The following SCAF8 variants were observed in gnomAD, a reference collection of about 807,000 sequenced individuals.
The protein encoded by SCAF8 is SR-related CTD associated factor 8.
Under a neutral mutation model 140.5 loss-of-function variants are expected in SCAF8, and 23 were observed. The observed-to-expected ratio is 0.16, with a 90% CI of 0.12 to 0.23. The LOEUF is 0.23. Ranked by LOEUF, SCAF8 falls within the 10% of genes least tolerant of loss-of-function variation. The pLI, the probability that SCAF8 is intolerant of heterozygous loss-of-function variation, is 1.00. For missense variants in SCAF8, 1,397 were observed against 1,555.7 expected (o/e 0.90, Z 1.72); for synonymous variants, 575 against 528.9 (o/e 1.09, Z -1.20).
intron 8 of SCAF8, among the ~76,000 whole-genome samples, chr6:154,805,143 A>G (rs561543607): frequency 6.6e-6 from 1 of 152,194 alleles, no homozygotes; most frequent in African/African-American, 2.4e-5. Flanking sequence ...TCAGCAGAGC[A>G]TCTCTGACAC....
At chr6:154,786,749 T>A (rs973812776) in intron 3 of SCAF8, among the ~76,000 whole-genome samples, 3 of 152,248 alleles carry the variant, frequency 2.0e-5, no homozygotes, top group African/African-American at 7.2e-5. Flanking sequence ...ATTCTTGTTT[T>A]GAGTCTAATG....
At chr6:154,796,523 G>A (rs1362224437) in intron 6 of SCAF8, among the ~76,000 whole-genome samples, 2 of 152,082 alleles carry the variant, frequency 1.3e-5, no homozygotes, top group Non-Finnish European at 2.9e-5. Flanking sequence ...CCTCTACTGA[G>A]ATGGGTTCCT....
At chr6:154,794,873 A>G (rs1777553032) in intron 5 of SCAF8, 136 bp from the exon 6 acceptor site, 1 of 662,066 alleles carries the variant, frequency 1.5e-6, no homozygotes, top group East Asian at 3.7e-5. Flanking sequence ...TGATTTTTTC[A>G]AAGTGGACAC....
chr6:154,833,151 C>A lies in SCAF8; in HGVS notation c.3572C>A (p.Pro1191His). The change falls in exon 20 of 20, where the codon CCT becomes CAT. Residue 1191 changes from proline to histidine, a missense_variant. Pro to His is a moderately conservative substitution (Grantham distance 77). Coordinates refer to ENST00000367178, the MANE Select transcript of SCAF8 (RefSeq NM_014892.5). ...DRIQNTWVPP[P>H]HARVFDYFEG... is the part of the protein sequence containing the mutation. ...ATTCAAAACACTTGGGTTCCCCCTC[C>A]TCATGCTCGGGTTTTTGATTATTTT... The A allele has an allele frequency of 1.2e-6, 2 of 1,614,072 alleles. No individual in the cohort carries two copies. Among genetic ancestry groups the A allele is most frequent in the Non-Finnish European group, 1.7e-6 (2 of 1,179,996 alleles).
intron 1 of SCAF8, among the ~76,000 whole-genome samples, chr6:154,765,047 G>GTT (rs1351791118): frequency 6.6e-6 from 1 of 152,152 alleles, no homozygotes; most frequent in East Asian, 1.9e-4. Context: ...TCTTGTAGAT[G>GTT]TAAGTACATT....
intron 1 of SCAF8, among the ~76,000 whole-genome samples, chr6:154,771,218 A>G (rs1330528313): frequency 6.6e-6 from 1 of 152,256 alleles, no homozygotes; most frequent in Non-Finnish European, 1.5e-5. Context: ...ATTATAAATG[A>G]TAGCACAAAG....
intron 9 of SCAF8, 83 bp downstream of exon 9, chr6:154,805,569 T>G: frequency 1.6e-6 from 1 of 618,238 alleles, no homozygotes; most frequent in Non-Finnish European, 2.8e-6. Context: ...GGCTTTTTTT[T>G]TTTTTAATTG....
intron 19 of SCAF8, 148 bp downstream of exon 19, chr6:154,831,288 ATTTCTATTTG>A: frequency 1.7e-6 from 1 of 573,532 alleles, no homozygotes; most frequent in Non-Finnish European, 3.0e-6. Context: ...ATGTCCTAAA[ATTTCTATTTG>A]AAAAAGTGGC....
intron 1 of SCAF8, among the ~76,000 whole-genome samples, chr6:154,736,265 CTTT>C (rs71021071): frequency 1.8e-4 from 14 of 78,436 alleles, no homozygotes; most frequent in Non-Finnish European, 2.7e-4. Context: ...CCATCCAAGA[CTTT>C]TTTTTTTTTT....
intron 3 of SCAF8, among the ~76,000 whole-genome samples, chr6:154,784,144 TATATATA>T (rs1562444173): frequency 2.1e-4 from 19 of 92,516 alleles, no homozygotes; most frequent in South Asian, 9.1e-4. Context: ...TATATATATA[TATATATA>T]TATATATTTA....
intron 3 of SCAF8, among the ~76,000 whole-genome samples, chr6:154,786,816 TC>T (rs1777271652): frequency 3.3e-5 from 5 of 152,240 alleles, no homozygotes; most frequent in Admixed American, 1.3e-4. Context: ...GATTCTTCTC[TC>T]AGGTTTCTAG....
chr6:154,828,291 G>C (rs2114691789), intron 18 of SCAF8, among the ~76,000 whole-genome samples: 1 of 152,246 alleles, frequency 6.6e-6, no homozygotes, highest in East Asian at 1.9e-4. Flanking sequence ...TAGTTACCTT[G>C]AAGTGTGGTT....
chr6:154,753,338 A>G (rs1469810470), intron 1 of SCAF8, among the ~76,000 whole-genome samples: 1 of 152,162 alleles, frequency 6.6e-6, no homozygotes, highest in African/African-American at 2.4e-5. Context: ...GTGGTGGCGC[A>G]CACCTGTAAT....
chr6:154,752,523 C>T lies in SCAF8; in HGVS notation c.30+18593C>T, dbSNP rs75427965. Among the ~76,000 whole-genome samples the T allele has an allele frequency of 7.0e-3, 1,066 of 151,900 alleles. 15 individuals carry two copies. Among genetic ancestry groups the T allele is most frequent in the African/African-American group, 0.025 (1,018 of 41,422 alleles). On this transcript the variant is annotated intron_variant, in intron 1 of 19. Transcript: ENST00000367178. ...TTTTTTATTTAAGAGGCTGCAACTG[C>T]GGAACATGTAGTGTCATTGTGGATA...
intron 14 of SCAF8, 96 bp from the exon 15 acceptor site, chr6:154,820,081 G>A (rs1197910227): frequency 5.4e-6 from 5 of 927,098 alleles, no homozygotes; most frequent in Non-Finnish European, 7.6e-6. Context: ...CAATTTTAAT[G>A]TGTTTACATT....
chr6:154,737,024 TTC>T (rs1343841601), intron 1 of SCAF8, among the ~76,000 whole-genome samples: 4 of 152,236 alleles, frequency 2.6e-5, no homozygotes, highest in Non-Finnish European at 4.4e-5. Flanking sequence ...TGAATGCAGT[TTC>T]TGTGAATGTT....
chr6:154,805,556 G>A, intron 9 of SCAF8, 70 bp downstream of exon 9: 1 of 772,064 alleles, frequency 1.3e-6, no homozygotes. Flanking sequence ...ATTTTTGTGG[G>A]TTGGCTTTTT....
intron 9 of SCAF8, among the ~76,000 whole-genome samples, chr6:154,806,614 A>G (rs1440687273): frequency 3.9e-5 from 6 of 152,182 alleles, no homozygotes; most frequent in Non-Finnish European, 7.4e-5. Context: ...GGAGGGGGGA[A>G]CAGTTATTTT....
chr6:154,775,177 T>C (rs1046198233), intron 2 of SCAF8, among the ~76,000 whole-genome samples: 1 of 152,188 alleles, frequency 6.6e-6, no homozygotes, highest in Admixed American at 6.5e-5. Context: ...TGGCTAAAGC[T>C]TAGTTTTCAG....
Sources: gnomAD v4.1 joint callset for allele counts (sites outside exome capture counted in the v4.1 genomes callset) on GRCh38, gnomAD v4.1.1 for gene constraint, MANE v1.5 for transcripts, NCBI Gene and HGNC (gene_info 2026-07-23, HGNC 2026-07-21) for gene names.